Variants in ABL1 observed in about 807,000 individuals in gnomAD.
The protein encoded by ABL1 is tyrosine-protein kinase ABL1.
Under a neutral mutation model 94.7 loss-of-function variants are expected in ABL1, and 11 were observed. The ratio of observed to expected loss-of-function variants is 0.12; its 90% CI spans 0.07 to 0.19. The LOEUF is 0.19. ABL1 is among the 10% of genes least tolerant of loss of function. ABL1 has a pLI of 1.00. For missense variants in ABL1, 1,082 were observed against 1,489.4 expected, an observed-to-expected ratio of 0.73 and a Z score of 4.50; for synonymous variants, 656 against 622.4, an observed-to-expected ratio of 1.05 and a Z score of -0.80.
At chr9:130,813,643 C>G (rs890163619) in intron 1 of ABL1, among the ~76,000 whole-genome samples, 2 of 149,614 alleles carry the variant, frequency 1.3e-5, no homozygotes, top group African/African-American at 4.9e-5. Flanking sequence ...AGAAAGGTAT[C>G]TGGAAGATCT....
chr9:130,808,790 C>G (rs11244149), intron 1 of ABL1, among the ~76,000 whole-genome samples: 26,412 of 152,160 alleles, frequency 0.17, 2,584 homozygotes, highest in African/African-American at 0.27. Flanking sequence ...AAACTGAACT[C>G]TTAAAATTCT....
At chr9:130,832,966 T>C (rs1830509970), upstream of ABL1, among the ~76,000 whole-genome samples, 1 of 152,220 alleles carries the variant, frequency 6.6e-6, no homozygotes, top group South Asian at 2.1e-4. Context: ...GTTAGATCTG[T>C]TGATGTATGG....
intron 3 of ABL1, among the ~76,000 whole-genome samples, chr9:130,858,372 C>T (rs1379780553): frequency 2.0e-5 from 3 of 152,104 alleles, no homozygotes; most frequent in Admixed American, 6.6e-5. Context: ...CCAGGTAGAG[C>T]ACAGGGAGCT....
chr9:130,824,178 C>T (rs993087439), intron 1 of ABL1, among the ~76,000 whole-genome samples: 13 of 152,242 alleles, frequency 8.5e-5, no homozygotes, highest in African/African-American at 3.1e-4. Context: ...CCACAGTCTG[C>T]TCTCTGCCAG....
chr9:130,817,571 G>A (rs974649378), intron 1 of ABL1, among the ~76,000 whole-genome samples: 1 of 152,208 alleles, frequency 6.6e-6, no homozygotes, highest in Non-Finnish European at 1.5e-5. Flanking sequence ...CAGTAGGGTG[G>A]ACGCGTCAGG....
chr9:130,873,301 G>A (rs377348188), intron 6 of ABL1, among the ~76,000 whole-genome samples: 2 of 152,230 alleles, frequency 1.3e-5, no homozygotes, highest in Admixed American at 1.3e-4. Context: ...TTTCATTTTT[G>A]AACCATTTTG....
intron 1 of ABL1, among the ~76,000 whole-genome samples, chr9:130,745,581 C>G (rs1280219846): frequency 6.6e-6 from 1 of 151,748 alleles, no homozygotes; most frequent in Non-Finnish European, 1.5e-5. Context: ...AATGGAACCT[C>G]CTGGAGTGAG....
intron 1 of ABL1, among the ~76,000 whole-genome samples, chr9:130,761,754 A>C (rs1361355131): frequency 6.6e-6 from 1 of 152,228 alleles, no homozygotes; most frequent in Non-Finnish European, 1.5e-5. Context: ...TTTAGTATAC[A>C]GGAAAGTTAC....
intron 1 of ABL1, among the ~76,000 whole-genome samples, chr9:130,767,050 C>A (rs1195794876): frequency 6.6e-6 from 1 of 152,184 alleles, no homozygotes; most frequent in African/African-American, 2.4e-5. Context: ...GTTCCCTGGG[C>A]CCTGCCCTTC....
In ABL1 at chr9:130,855,055, A is replaced by C; in HGVS notation, c.508A>C (p.Arg170=). 6.2e-7 allele frequency: 1 copy of C among 1,614,170 alleles called. No homozygotes were observed. Among genetic ancestry groups the C allele is most frequent in the Non-Finnish European group, 8.5e-7 (1 of 1,180,032 alleles). Residue 170 remains arginine, a synonymous_variant, in exon 3 of 11, where the codon AGG becomes CGG. Transcript: ENST00000318560. ...QRSISLRYEG[R]VYHYRINTAS... is the part of the protein sequence containing the mutation. ...GTCCATCTCGCTGAGATACGAAGGG[A>C]GGGTGTACCATTACAGGATCAACAC...
At chr9:130,773,626 CTCTT>C (rs1257384080) in intron 1 of ABL1, among the ~76,000 whole-genome samples, 3 of 143,208 alleles carry the variant, frequency 2.1e-5, no homozygotes, top group Non-Finnish European at 4.6e-5. Context: ...GCCTGGCTAA[CTCTT>C]TTTTTTTTTT....
chr9:130,857,808 T>G (rs1328069324), intron 3 of ABL1, among the ~76,000 whole-genome samples: 1 of 152,160 alleles, frequency 6.6e-6, no homozygotes, highest in Non-Finnish European at 1.5e-5. Context: ...CACTGCAGTG[T>G]GCGTGACGGA....
intron 1 of ABL1, among the ~76,000 whole-genome samples, chr9:130,797,445 G>A (rs1829995119): frequency 6.6e-6 from 1 of 152,066 alleles, no homozygotes; most frequent in African/African-American, 2.4e-5. Context: ...CATGGTCTTA[G>A]CTCACTGCAA....
chr9:130,793,122 C>T (rs925522126), intron 1 of ABL1, among the ~76,000 whole-genome samples: 5 of 152,126 alleles, frequency 3.3e-5, no homozygotes, highest in African/African-American at 1.2e-4. Flanking sequence ...GACGGGGTTT[C>T]ATCATGTTGG....
chr9:130,764,279 G>A (rs1048715695), intron 1 of ABL1, among the ~76,000 whole-genome samples: 3 of 152,208 alleles, frequency 2.0e-5, no homozygotes, highest in African/African-American at 7.2e-5. Context: ...GTTTTCTGGA[G>A]TGCGTTTCTT....
At chr9:130,819,679 C>T (rs1214203276) in intron 1 of ABL1, among the ~76,000 whole-genome samples, 2 of 151,426 alleles carry the variant, frequency 1.3e-5, no homozygotes, top group Admixed American at 6.6e-5. Context: ...GCTGGGACTA[C>T]GGGCACACAC....
intron 1 of ABL1, among the ~76,000 whole-genome samples, chr9:130,734,040 A>G (rs1027555431): frequency 2.0e-5 from 3 of 152,170 alleles, no homozygotes; most frequent in African/African-American, 7.2e-5. Context: ...GTTGAAATCA[A>G]GTGTCTCTTG....
chr9:130,740,767 C>T (rs954072614), intron 1 of ABL1, among the ~76,000 whole-genome samples: 2 of 151,764 alleles, frequency 1.3e-5, no homozygotes, highest in African/African-American at 4.8e-5. Context: ...GGGATCCTCC[C>T]ACCTCGGTCT....
chr9:130,731,408 A>G (rs1172049973), intron 1 of ABL1, among the ~76,000 whole-genome samples: 1 of 152,116 alleles, frequency 6.6e-6, no homozygotes, highest in Non-Finnish European at 1.5e-5. Flanking sequence ...TGTGTAAGAA[A>G]TCTTTGTGTC....
Sources: gnomAD v4.1 joint callset for allele counts (sites outside exome capture counted in the v4.1 genomes callset) on GRCh38, gnomAD v4.1.1 for gene constraint, MANE v1.5 for transcripts, NCBI Gene and HGNC (gene_info 2026-07-23, HGNC 2026-07-21) for gene names.